TRIM69: variants seen among roughly 807,000 people sequenced by gnomAD.
TRIM69 encodes the protein tripartite motif containing 69, also known as E3 ubiquitin-protein ligase TRIM69.
In TRIM69, 29 loss-of-function variants were observed where a neutral mutation model predicts 37.7. The ratio of observed to expected loss-of-function variants is 0.77; its 90% CI spans 0.57 to 1.05. The LOEUF is 1.05. Ranked by LOEUF, TRIM69 falls within the 50% of genes least tolerant of loss-of-function variation. The pLI is 0.00. For synonymous variants in TRIM69, 209 were observed against 212.4 expected (o/e 0.98, Z 0.14); for missense variants, 596 against 579.9 (o/e 1.03, Z -0.28).
intron 6 of TRIM69, among the ~76,000 whole-genome samples, 162 bp from the exon 7 acceptor site, chr15:44,767,069 A>AAAAAAAAAAG: frequency 6.8e-6 from 1 of 147,652 alleles, no homozygotes; most frequent in African/African-American, 2.5e-5. Context: ...AAAAAAAAAA[A>AAAAAAAAAAG]AAAAAAAAAA....
Position 44,759,835 on chromosome 15 carries a change from C to T in TRIM69, c.924C>T (p.Tyr308=). Residue 308 remains tyrosine (Y), a synonymous_variant, in exon 6 of 7, where the codon TAC becomes TAT. Transcript: ENST00000329464. ...GCCAGTACAAAGGTCCTATCCAGTA[C>T]ATGGTATGGAGGGAAATGCAGGACA... ...NLGQYKGPIQ[Y]MVWREMQDTL... 6.2e-7 allele frequency: 1 copy of T among 1,614,110 alleles called. No individual in the cohort carries two copies. Among genetic ancestry groups the T allele is most frequent in the South Asian group, 1.1e-5 (1 of 91,084 alleles).
chr15:44,750,950 C>CTTTTTTTTTTTTTTTTTTTTTT (rs71111890), intron 1 of TRIM69, among the ~76,000 whole-genome samples: 1 of 33,548 alleles, frequency 3.0e-5, no homozygotes, highest in Non-Finnish European at 5.2e-5. Flanking sequence ...TTTCTTTTGC[C>CTTTTTTTTTTTTTTTTTTTTTT]TTTTTTTTTT....
At chr15:44,748,022 G>A (rs1262052208) in intron 1 of TRIM69, among the ~76,000 whole-genome samples, 1 of 152,210 alleles carries the variant, frequency 6.6e-6, no homozygotes, top group East Asian at 1.9e-4. Context: ...GATGGAAATT[G>A]CTCTGGCCTT....
At chr15:44,743,071 A>G (rs2087326673) in intron 1 of TRIM69, among the ~76,000 whole-genome samples, 1 of 152,148 alleles carries the variant, frequency 6.6e-6, no homozygotes, top group Non-Finnish European at 1.5e-5. Flanking sequence ...ACTATACTAC[A>G]AGGCTACAGT....
chr15:44,758,322 A>G, intron 3 of TRIM69: 1 of 445,058 alleles, frequency 2.2e-6, no homozygotes, highest in Non-Finnish European at 4.0e-6. Context: ...CTTTCATTCT[A>G]GAATGTTTGA....
chr15:44,736,720 C>CT lies in TRIM69; in HGVS notation c.6+10_6+11insT, dbSNP rs1255370296. On this transcript the variant is annotated intron_variant, in intron 1 of 6. Transcript: ENST00000329464. The stretch of plus-strand genomic sequence containing the variant: ...CTGAAGCTTCATGGAGGTGAGTGAC[C>CT]CTTTTTTTTTTTAACTTAGCAGGGC... 3.3e-6 allele frequency: 5 copies of CT among 1,495,682 alleles called. No homozygotes were observed. The highest frequency in any genetic ancestry group is 2.1e-5 in the Admixed American group (1 of 48,432). 92.7% of individuals were successfully genotyped at this position (1,495,682 alleles called of 1,614,324 possible).
At chr15:44,761,444 G>A (rs1291937189) in intron 6 of TRIM69, among the ~76,000 whole-genome samples, 2 of 152,016 alleles carry the variant, frequency 1.3e-5, no homozygotes, top group South Asian at 4.1e-4. Flanking sequence ...GTATCTTATT[G>A]TGGTTTTAAT....
At chr15:44,742,771 C>T (rs999904934) in intron 1 of TRIM69, among the ~76,000 whole-genome samples, 88 of 148,346 alleles carry the variant, frequency 5.9e-4, no homozygotes, top group African/African-American at 2.1e-3. Flanking sequence ...CGTGAATGAC[C>T]TCTTCAAGGA....
At chr15:44,738,054 C>CTTTTT (rs869285725) in intron 1 of TRIM69, among the ~76,000 whole-genome samples, 4 of 23,444 alleles carry the variant, frequency 1.7e-4, no homozygotes, top group African/African-American at 3.4e-4. Context: ...TTCTTTCTTT[C>CTTTTT]TTTTTTTTTT....
At position 44,767,468 on chromosome 15, in the gene TRIM69, T is replaced by C. The variant is rs1305368325; in HGVS notation, c.1199T>C (p.Ile400Thr). ...GTTGGAGTTGTCAGAGAATCCATCA[T>C]TCGGAAGGGCAGCTGTCCTCTAACT... ...WTVGVVRESI[I>T]RKGSCPLTPE... The change falls in exon 7 of 7, where the codon ATT (isoleucine) becomes ACT (threonine). Residue 400 changes from isoleucine (I) to threonine (T), a missense_variant. Transcript: ENST00000329464. The C allele has an allele frequency of 5.6e-6, 9 of 1,614,172 alleles. No individual in the cohort carries two copies. The highest frequency in any genetic ancestry group is 1.7e-5 in the Admixed American group (1 of 60,018).
intron 1 of TRIM69, among the ~76,000 whole-genome samples, chr15:44,744,113 A>C (rs1010576895): frequency 3.3e-5 from 5 of 151,890 alleles, no homozygotes; most frequent in African/African-American, 1.2e-4. Context: ...ACACCATGGA[A>C]TACTATGCAG....
In TRIM69 at chr15:44,756,310, C is replaced by T. The variant is rs559661153; in HGVS notation, c.484-58C>T. Reference sequence around the variant, plus strand: ...CACACTGGGGCCTTGGGGAAGATGTCCTTTATGGTCCTTCATCTCCCGAGT... The same window carrying T: ...CACACTGGGGCCTTGGGGAAGATGTTCTTTATGGTCCTTCATCTCCCGAGT... On this transcript the variant is annotated intron_variant, in intron 2 of 6. Coordinates refer to ENST00000329464, the MANE Select transcript of TRIM69 (RefSeq NM_182985.5). The T allele has an allele frequency of 3.2e-6, 4 of 1,248,860 alleles. No individual in the cohort carries two copies. In the African/African-American group the frequency reaches 4.5e-5, roughly 14 times the overall value. The allele number at this position is 1,248,860 out of a possible 1,614,324, so 77.4% of individuals were successfully genotyped here.
intron 1 of TRIM69, among the ~76,000 whole-genome samples, chr15:44,745,069 T>TAAAAAAA (rs35438847): frequency 7.2e-6 from 1 of 138,110 alleles, no homozygotes; most frequent in Non-Finnish European, 1.6e-5. Flanking sequence ...GAGTGCATAC[T>TAAAAAAA]AAAAAAAAAA....
intron 6 of TRIM69, among the ~76,000 whole-genome samples, chr15:44,761,767 A>G (rs1173944211): frequency 6.6e-6 from 1 of 152,174 alleles, no homozygotes; most frequent in Admixed American, 6.5e-5. Context: ...GCCCGGCTGC[A>G]TATCCCTAAT....
intron 1 of TRIM69, among the ~76,000 whole-genome samples, chr15:44,740,575 C>A (rs1178605863): frequency 6.6e-6 from 1 of 152,092 alleles, no homozygotes; most frequent in Non-Finnish European, 1.5e-5. Flanking sequence ...AAACCCATCT[C>A]ACATGCAGAG....
At chr15:44,761,658 T>A (rs1387360729) in intron 6 of TRIM69, among the ~76,000 whole-genome samples, 1 of 152,084 alleles carries the variant, frequency 6.6e-6, no homozygotes, top group Non-Finnish European at 1.5e-5. Context: ...AGAGATGAGG[T>A]TTTGCCATGT....
chr15:44,759,918 G>C lies in TRIM69; in HGVS notation c.961+46G>C, dbSNP rs376024289. On this transcript the variant is annotated intron_variant, in intron 6 of 6. Coordinates refer to ENST00000329464, the MANE Select transcript of TRIM69 (RefSeq NM_182985.5). Reference sequence around the variant, plus strand: ...TTGGTTCTTGAGGCTCCTAATCTACGTTTAATCTGTGGGACTTCTTCTGTG... The same window carrying C: ...TTGGTTCTTGAGGCTCCTAATCTACCTTTAATCTGTGGGACTTCTTCTGTG... 3.8e-6 allele frequency: 6 copies of C among 1,580,002 alleles called. No individual in the cohort carries two copies. In the African/African-American group the frequency reaches 4.1e-5, roughly 11 times the overall value.
chr15:44,745,581 A>G (rs1596018761), intron 1 of TRIM69, among the ~76,000 whole-genome samples: 4 of 152,294 alleles, frequency 2.6e-5, no homozygotes, highest in African/African-American at 9.6e-5. Context: ...CATTGGACTC[A>G]CTAGACAAAG....
At chr15:44,759,505 T>C in intron 4 of TRIM69, 135 bp from the exon 5 acceptor site, 1 of 820,326 alleles carries the variant, frequency 1.2e-6, no homozygotes. Context: ...AGAAAAAGTG[T>C]ATGAAGGATG....
Sources: gnomAD v4.1 joint callset for allele counts (sites outside exome capture counted in the v4.1 genomes callset) on GRCh38, gnomAD v4.1.1 for gene constraint, MANE v1.5 for transcripts, NCBI Gene and HGNC (gene_info 2026-07-23, HGNC 2026-07-21) for gene names.